SLC18A2: variants seen among roughly 807,000 people sequenced by gnomAD.
The protein encoded by SLC18A2 is synaptic vesicular amine transporter.
In SLC18A2, 33 loss-of-function variants were observed where a neutral mutation model predicts 59.2. The ratio of observed to expected loss-of-function variants is 0.56; its 90% confidence interval spans 0.42 to 0.75. The LOEUF (loss-of-function observed/expected upper bound fraction) is 0.75, where lower values mean the gene tolerates loss of function less well. Ranked by LOEUF, SLC18A2 falls within the 30% of genes least tolerant of loss-of-function variation. The pLI, the probability that SLC18A2 is intolerant of heterozygous loss-of-function variation, is 0.00. For synonymous variants in SLC18A2, 228 were observed against 253.5 expected, an observed-to-expected ratio of 0.90 and a Z score of 0.95; for missense variants, 569 against 668.6, an observed-to-expected ratio of 0.85 and a Z score of 1.64.
intron 2 of SLC18A2, 83 bp from the exon 3 acceptor site, chr10:117,243,888 C>A: frequency 8.6e-7 from 1 of 1,156,182 alleles, no homozygotes; most frequent in Non-Finnish European, 1.2e-6. Flanking sequence ...TCCCTGCCGA[C>A]ACAACCATAG....
At chr10:117,265,381 A>G (rs541615919) in intron 10 of SLC18A2, among the ~76,000 whole-genome samples, 1 of 152,214 alleles carries the variant, frequency 6.6e-6, no homozygotes, top group Admixed American at 6.5e-5. Context: ...GGCCCCATGC[A>G]TTTTGAGTGT....
intron 12 of SLC18A2, 86 bp from the exon 13 acceptor site, chr10:117,267,587 A>G: frequency 1.9e-6 from 2 of 1,031,456 alleles, no homozygotes; most frequent in Non-Finnish European, 2.9e-6. Context: ...TACCACGCTC[A>G]GAGAAAACAC....
rs779678061 is a variant in SLC18A2 at position 117,254,511 on chromosome 10, C to T, written c.700+14C>T. 2 of 1,580,404 alleles carry T rather than the reference C, an allele frequency of 1.3e-6. No homozygotes were observed. The highest frequency in any genetic ancestry group is 1.2e-5 in the South Asian group (1 of 85,858). ...TGGGGGTCTTAGGTGGGTAAGGCCC[C>T]CGTGTAGGCAAACTGGCAAGAGGGG... On this transcript the variant is annotated intron_variant, in intron 6 of 15. Transcript: ENST00000644641.
chr10:117,262,141 G>A (rs1007439086), intron 10 of SLC18A2, among the ~76,000 whole-genome samples: 2 of 152,118 alleles, frequency 1.3e-5, no homozygotes, highest in South Asian at 2.1e-4. Context: ...TCCTGACTTC[G>A]TGATCCCCCT....
rs1234943212 is a variant in SLC18A2, at chr10:117,269,006, A to G, written c.1187-1065A>G. ...CACATTCATACACACAAACACACAT[A>G]CACACACTGACACACGCATACACAC... is the stretch of plus-strand genomic sequence containing the variant. On this transcript the variant is annotated intron_variant, in intron 13 of 15. Transcript: ENST00000644641. This position sits in a 1 kb window ranked among gnomAD's most constrained non-coding sequence, Gnocchi z 5.1. 7.0e-6 allele frequency among the ~76,000 whole-genome samples: 1 copy of G among 142,516 alleles called. No homozygotes were observed. Among genetic ancestry groups the G allele is most frequent in the East Asian group, 2.0e-4 (1 of 4,970 alleles). 93.5% of individuals were successfully genotyped at this position (142,516 alleles called of 152,430 possible).
chr10:117,250,773 G>T (rs1299042204), intron 3 of SLC18A2, among the ~76,000 whole-genome samples: 1 of 152,198 alleles, frequency 6.6e-6, no homozygotes, highest in Non-Finnish European at 1.5e-5. Flanking sequence ...GGAATCTCAG[G>T]CCACCCAGCA....
intron 10 of SLC18A2, among the ~76,000 whole-genome samples, chr10:117,258,634 G>A (rs1349937963): frequency 2.0e-5 from 3 of 152,014 alleles, no homozygotes; most frequent in Non-Finnish European, 4.4e-5. Context: ...AGAATTATAA[G>A]GAAAAACAGC....
intron 3 of SLC18A2, among the ~76,000 whole-genome samples, chr10:117,247,912 G>A (rs190934873): frequency 1.0e-3 from 156 of 152,278 alleles, no homozygotes; most frequent in Non-Finnish European, 1.5e-3. Context: ...ATTCACAGTC[G>A]TGATGGTGCC....
At chr10:117,267,328 A>G (rs1844359332) in intron 12 of SLC18A2, 3 of 453,240 alleles carry the variant, frequency 6.6e-6, no homozygotes, top group East Asian at 3.6e-5. Flanking sequence ...CCAACCTGAA[A>G]CAATAGCAAG....
chr10:117,277,266 A>G lies in SLC18A2; in HGVS notation c.1545A>G (p.Ter515TrpextTer11), dbSNP rs1470308044. ...IGEDEESESD[*>W] is the part of the protein sequence containing the mutation. Reference sequence around the variant, plus strand: ...AAGATGAAGAATCTGAAAGTGACTGAGATGAGATCCTCAAAAATCATCAAA... The same window carrying G: ...AAGATGAAGAATCTGAAAGTGACTGGGATGAGATCCTCAAAAATCATCAAA... Residue 515 changes from the stop codon to tryptophan, a stop_lost, in exon 16 of 16, where the codon TGA (stop) becomes TGG (tryptophan). Transcript: ENST00000644641. 2 of 1,555,490 alleles carry G rather than the reference A, an allele frequency of 1.3e-6. No homozygotes were observed. The highest frequency in any genetic ancestry group is 2.2e-5 in the South Asian group (2 of 89,104).
chr10:117,248,404 C>G (rs770739410), intron 3 of SLC18A2, among the ~76,000 whole-genome samples: 2 of 152,176 alleles, frequency 1.3e-5, no homozygotes, highest in Non-Finnish European at 2.9e-5. Flanking sequence ...TGTATTTCTG[C>G]TGAAAATATA....
chr10:117,269,057 A>T lies in SLC18A2; in HGVS notation c.1187-1014A>T, dbSNP rs1289362988. Among the ~76,000 whole-genome samples, 1 of 151,418 alleles carries T rather than the reference A, an allele frequency of 6.6e-6. No homozygotes were observed. Among genetic ancestry groups the T allele is most frequent in the Non-Finnish European group, 1.5e-5 (1 of 67,862 alleles). On this transcript the variant is annotated intron_variant, in intron 13 of 15. Transcript: ENST00000644641. This position sits in a 1 kb window ranked among gnomAD's most constrained non-coding sequence, Gnocchi z 5.1. ...ACACATACACACATACACCCCCCAC[A>T]TAAACACATACACATACACAAATAT...
chr10:117,243,786 A>G (rs1844079490), intron 2 of SLC18A2, among the ~76,000 whole-genome samples, 185 bp from the exon 3 acceptor site: 1 of 152,116 alleles, frequency 6.6e-6, no homozygotes. Flanking sequence ...GGGTTTCTCC[A>G]TGTTGGCCAG....
At chr10:117,248,157 G>T (rs542346997) in intron 3 of SLC18A2, among the ~76,000 whole-genome samples, 2 of 152,068 alleles carry the variant, frequency 1.3e-5, no homozygotes, top group East Asian at 3.9e-4. Context: ...GTAGAGATGG[G>T]GTTTCAGCAT....
chr10:117,244,687 C>T (rs1210545204), intron 3 of SLC18A2, among the ~76,000 whole-genome samples: 1 of 152,226 alleles, frequency 6.6e-6, no homozygotes, highest in Non-Finnish European at 1.5e-5. Flanking sequence ...AGCCATGTGG[C>T]CTCCTCTTAT....
chr10:117,267,631 G>C (rs1372189159), intron 12 of SLC18A2, 42 bp from the exon 13 acceptor site: 9 of 1,421,116 alleles, frequency 6.3e-6, no homozygotes, highest in African/African-American at 1.4e-5. Flanking sequence ...TTTAGAGTTG[G>C]ATCTCTTGTT....
rs557833597 is a variant in SLC18A2, at chr10:117,255,506, C to G, written c.818C>G (p.Ser273Cys). 4.4e-5 allele frequency: 71 copies of G among 1,614,102 alleles called. No homozygotes were observed. The South Asian group carries it at 6.4e-4, about 14-fold the overall frequency. ...GAIQLFVLQPSRVQPESQKGT... is the reference protein window; with the variant it reads ...GAIQLFVLQPCRVQPESQKGT... ...ATTCAGCTCTTTGTGCTCCAGCCGT[C>G]CCGGGTGCAGCCAGAGGTAAGCGGC... The change falls in exon 8 of 16, where the codon TCC becomes TGC. Residue 273 changes from serine (S) to cysteine (C), a missense_variant. Ser to Cys is a moderately radical substitution (Grantham distance 112). This residue lies in a region of SLC18A2 where 377 missense variants were observed against 389.8 expected (regional missense o/e 0.97). Transcript: ENST00000644641.
chr10:117,274,106 T>C (rs1844457711), intron 15 of SLC18A2, among the ~76,000 whole-genome samples: 1 of 152,220 alleles, frequency 6.6e-6, no homozygotes, highest in South Asian at 2.1e-4. Context: ...GTTCATGCCT[T>C]TCTTCATGGC....
At chr10:117,260,746 C>G (rs940182701) in intron 10 of SLC18A2, among the ~76,000 whole-genome samples, 6 of 152,130 alleles carry the variant, frequency 3.9e-5, no homozygotes, top group African/African-American at 1.4e-4. Context: ...GAAAAGGGAT[C>G]TCAATCCAGA....
Sources: allele counts gnomAD v4.1 joint callset (sites outside exome capture counted in the v4.1 genomes callset), GRCh38; gene constraint gnomAD v4.1.1; regional missense constraint gnomAD v4.1.1; non-coding constraint Gnocchi (gnomAD v3.1); transcripts MANE v1.5; gene names NCBI Gene and HGNC (gene_info 2026-07-23, HGNC 2026-07-21).